The following CCDC7 variants were observed in gnomAD, a reference collection of about 807,000 sequenced individuals.
CCDC7 encodes coiled-coil domain-containing protein 7.
CCDC7 carries 183 observed loss-of-function variants against 196.9 expected under a neutral mutation model. The ratio of observed to expected loss-of-function variants is 0.93; its 90% confidence interval spans 0.82 to 1.05. The LOEUF (loss-of-function observed/expected upper bound fraction) is 1.05. CCDC7 is among the 50% of genes least tolerant of loss of function. CCDC7 has a pLI of 0.00. For synonymous variants in CCDC7, 525 were observed against 484.6 expected, an observed-to-expected ratio of 1.08 and a Z score of -1.10; for missense variants, 1,540 against 1,482.2, an observed-to-expected ratio of 1.04 and a Z score of -0.64.
rs764599827 is a variant in CCDC7 at position 32,472,462 on chromosome 10, A to G, written c.678-19A>G. The G allele has an allele frequency of 1.9e-6, 3 of 1,558,854 alleles. No individual in the cohort carries two copies. Among genetic ancestry groups the G allele is most frequent in the South Asian group, 1.3e-5 (1 of 78,146 alleles). On this transcript the variant is annotated intron_variant, in intron 6 of 41. Transcript: ENST00000639629. Reference sequence around the variant, plus strand: ...TCTTTGATATATTAAAAAATATTTCATTTATCGAACTTTAACAGGGATAAA... The same window carrying G: ...TCTTTGATATATTAAAAAATATTTCGTTTATCGAACTTTAACAGGGATAAA...
chr10:32,830,145 A>G (rs140413107), intron 32 of CCDC7, among the ~76,000 whole-genome samples: 1,219 of 23,234 alleles, frequency 0.052, 36 homozygotes, highest in African/African-American at 0.095. Flanking sequence ...TATATATCCT[A>G]TTAGTTCTTT....
intron 9 of CCDC7, among the ~76,000 whole-genome samples, chr10:32,493,126 C>G (rs1377749925): frequency 2.0e-5 from 3 of 151,632 alleles, no homozygotes; most frequent in African/African-American, 7.3e-5. Context: ...TTCCCTTTGT[C>G]TAGCTGAAAT....
chr10:32,448,025 T>C (rs1337371416), upstream of CCDC7, among the ~76,000 whole-genome samples: 4 of 152,354 alleles, frequency 2.6e-5, no homozygotes, highest in Non-Finnish European at 4.4e-5. Flanking sequence ...TTCAAATGGA[T>C]TTTTAGTGAC....
At chr10:32,585,862 T>A (rs1331892018) in intron 18 of CCDC7, among the ~76,000 whole-genome samples, 1 of 152,198 alleles carries the variant, frequency 6.6e-6, no homozygotes, top group Non-Finnish European at 1.5e-5. Context: ...TATAGTAAAA[T>A]GATTTAGAAT....
chr10:32,602,754 G>T (rs1406694856), intron 18 of CCDC7, among the ~76,000 whole-genome samples: 3 of 152,098 alleles, frequency 2.0e-5, no homozygotes, highest in Non-Finnish European at 2.9e-5. Flanking sequence ...GTAACTTAAT[G>T]TAGTTAAAGT....
intron 33 of CCDC7, among the ~76,000 whole-genome samples, chr10:32,836,371 A>G (rs1388676391): frequency 6.6e-6 from 1 of 152,146 alleles, no homozygotes; most frequent in Non-Finnish European, 1.5e-5. Context: ...ATCAATATCT[A>G]GATTTTTCTA....
chr10:32,754,933 TC>T (rs199588465), intron 28 of CCDC7, among the ~76,000 whole-genome samples: 6,030 of 152,232 alleles, frequency 0.04, 127 homozygotes, highest in Middle Eastern at 0.051. Flanking sequence ...ACTGCGCTTT[TC>T]CAATGGTCTT....
chr10:32,845,767 T>TTA, intron 35 of CCDC7, 109 bp from the exon 37 acceptor site: 1 of 709,252 alleles, frequency 1.4e-6, no homozygotes. Context: ...CCTTCCATAA[T>TTA]TACACACACA....
chr10:32,514,281 G>A (rs986566405), intron 9 of CCDC7: 7 of 152,288 alleles, frequency 4.6e-5, no homozygotes, highest in African/African-American at 1.4e-4. Flanking sequence ...GGTTATTCCC[G>A]ATATTATTAG....
chr10:32,800,464 G>A (rs1205044656), intron 29 of CCDC7, among the ~76,000 whole-genome samples: 1 of 152,092 alleles, frequency 6.6e-6, no homozygotes, highest in Non-Finnish European at 1.5e-5. Context: ...CTCTATGTTG[G>A]ATCTGAGCTA....
intron 8 of CCDC7, among the ~76,000 whole-genome samples, chr10:32,488,562 G>A (rs535520920): frequency 1.3e-5 from 2 of 152,102 alleles, no homozygotes; most frequent in Non-Finnish European, 2.9e-5. Flanking sequence ...GAAATCACCC[G>A]TCTTCTGCGT....
chr10:32,741,126 A>G (rs2085770420), intron 28 of CCDC7, among the ~76,000 whole-genome samples: 1 of 152,126 alleles, frequency 6.6e-6, no homozygotes, highest in African/African-American at 2.4e-5. Context: ...CTTAATATTG[A>G]CATTTATTTT....
At chr10:32,839,181 A>C (rs2092811923) in intron 33 of CCDC7, among the ~76,000 whole-genome samples, 1 of 151,978 alleles carries the variant, frequency 6.6e-6, no homozygotes, top group Non-Finnish European at 1.5e-5. Flanking sequence ...CTGCACTTAA[A>C]AGATACAGAA....
chr10:32,457,071 T>C (rs2034519329), intron 3 of CCDC7, among the ~76,000 whole-genome samples: 1 of 151,862 alleles, frequency 6.6e-6, no homozygotes, highest in South Asian at 2.1e-4. Flanking sequence ...CCTATAGTGC[T>C]GTAGAACACT....
chr10:32,674,829 C>G (rs2074651286), intron 21 of CCDC7, among the ~76,000 whole-genome samples: 3 of 151,886 alleles, frequency 2.0e-5, no homozygotes, highest in Admixed American at 6.6e-5. Flanking sequence ...GTGAATTGAC[C>G]CTTTTATTTT....
chr10:32,820,226 A>T (rs1251090169), intron 31 of CCDC7, among the ~76,000 whole-genome samples: 1 of 152,204 alleles, frequency 6.6e-6, no homozygotes, highest in Non-Finnish European at 1.5e-5. Context: ...CTTCAAAGAG[A>T]ATAAAATACC....
At chr10:32,778,434 A>T (rs969155230) in intron 28 of CCDC7, among the ~76,000 whole-genome samples, 2 of 152,148 alleles carry the variant, frequency 1.3e-5, no homozygotes, top group African/African-American at 2.4e-5. Flanking sequence ...TCATTTATTG[A>T]GTAAGGAGTC....
chr10:32,451,695 C>T lies in CCDC7; in HGVS notation c.53C>T (p.Pro18Leu), dbSNP rs146985063. 4.7e-5 allele frequency: 76 copies of T among 1,612,658 alleles called. No homozygotes were observed. The African/African-American group carries it at 7.3e-4, about 16-fold the overall frequency. Reference sequence around the variant, plus strand: ...ACCAGTAACAAATCGGCAAATGTTCCAGCATTAACTACTAAAAAAGGACTA... The same window carrying T: ...ACCAGTAACAAATCGGCAAATGTTCTAGCATTAACTACTAAAAAAGGACTA... Residue 18 changes from proline to leucine, a missense_variant, in exon 1 of 42, where the codon CCA (proline) becomes CTA (leucine). Physicochemically the swap from Pro to Leu is moderately conservative, Grantham distance 98 (BLOSUM62 -3). Coordinates refer to ENST00000639629, the Ensembl canonical transcript of CCDC7.
intron 21 of CCDC7, among the ~76,000 whole-genome samples, chr10:32,672,609 G>C (rs2074258699): frequency 6.6e-6 from 1 of 152,198 alleles, no homozygotes; most frequent in South Asian, 2.1e-4. Flanking sequence ...TGGTGGGGAT[G>C]GCTCTTGGTT....
Sources: gnomAD v4.1 joint callset for allele counts (sites outside exome capture counted in the v4.1 genomes callset) on GRCh38, gnomAD v4.1.1 for gene constraint, MANE v1.5 for transcripts, NCBI Gene and HGNC (gene_info 2026-07-23, HGNC 2026-07-21) for gene names.